Variants in PPRC1 observed in about 807,000 individuals in gnomAD.
The protein encoded by PPRC1 is PPARG related coactivator 1.
In PPRC1, 23 loss-of-function variants were observed where a neutral mutation model predicts 132.5. The ratio of observed to expected loss-of-function variants is 0.17; its 90% CI spans 0.12 to 0.25. PPRC1 has a LOEUF of 0.25. Among genes scored for constraint, PPRC1 ranks in the 10% least tolerant of loss-of-function variants. PPRC1 has a pLI of 1.00. For missense variants in PPRC1, 2,006 were observed against 2,089.1 expected (o/e 0.96, Z 0.78); for synonymous variants, 872 against 833.5 (o/e 1.05, Z -0.80).
At chr10:102,144,686 T>C (rs1178548800) in intron 7 of PPRC1, 8 of 462,436 alleles carry the variant, frequency 1.7e-5, no homozygotes, top group Non-Finnish European at 2.3e-5. Flanking sequence ...TCATTTTTCA[T>C]GTTCATGATC....
intron 2 of PPRC1, 36 bp downstream of exon 2, chr10:102,138,074 G>A (rs187621684): frequency 1.1e-5 from 17 of 1,596,838 alleles, no homozygotes; most frequent in Non-Finnish European, 1.3e-5. Flanking sequence ...CTTCAAGCAG[G>A]AGGTTTACAT....
Position 102,148,439 on chromosome 10 carries a change from T to C in PPRC1, c.4468T>C (p.Ser1490Pro). The C allele has an allele frequency of 6.2e-7, 1 of 1,611,368 alleles. No individual in the cohort carries two copies. The highest frequency in any genetic ancestry group is 8.5e-7 in the Non-Finnish European group (1 of 1,177,504). ...CTCTTCTTCGTCATCATCTTCCTCTTCGTCTTCCTCATCCTCATCATCCAG... is the reference window on the plus strand; with the variant it reads ...CTCTTCTTCGTCATCATCTTCCTCTCCGTCTTCCTCATCCTCATCATCCAG... ...SSSSSSSSSS[S>P]SSSSSSSSSR... The change falls in exon 10 of 14, where the codon TCG (serine) becomes CCG (proline). Residue 1490 changes from serine to proline, a missense_variant. Around this residue, in one of 2 missense-constraint regions of PPRC1, gnomAD observed 1,914 missense variants for 1,917.2 expected, o/e 1.00. Transcript: ENST00000278070. This position sits in a 1 kb window ranked among gnomAD's most constrained non-coding sequence, Gnocchi z 4.2.
intron 9 of PPRC1, among the ~76,000 whole-genome samples, chr10:102,147,812 C>T (rs2069330093): frequency 6.6e-6 from 1 of 152,236 alleles, no homozygotes; most frequent in African/African-American, 2.4e-5. Flanking sequence ...TTGGGTGTCA[C>T]TATGGCCTCA....
chr10:102,145,050 C>G lies in PPRC1; in HGVS notation c.3639C>G (p.Pro1213=). Residue 1213 remains proline, a synonymous_variant, in exon 8 of 14, where the codon CCC becomes CCG. Transcript: ENST00000278070. ...TTGACATTCCCCAGGAGAAGAGGCC[C>G]CTAGACCGGTTACAAGCCCCAGAAC... ...GGVDIPQEKR[P]LDRLQAPELA... 1 of 1,613,950 alleles carries G rather than the reference C, an allele frequency of 6.2e-7. No homozygotes were observed. The highest frequency in any genetic ancestry group is 8.5e-7 in the Non-Finnish European group (1 of 1,179,880).
chr10:102,125,194 G>A, the PPRC1 span, among the ~76,000 whole-genome samples: 1 of 148,642 alleles, frequency 6.7e-6, no homozygotes, highest in African/African-American at 2.5e-5. Context: ...CAGTTCAAGC[G>A]ATTCTCCTGC....
upstream of PPRC1, among the ~76,000 whole-genome samples, chr10:102,132,181 A>C (rs2068555131): frequency 6.6e-6 from 1 of 152,248 alleles, no homozygotes; most frequent in Non-Finnish European, 1.5e-5. Context: ...TAGAACTATA[A>C]TTTGCAGGCC....
the PPRC1 span, among the ~76,000 whole-genome samples, chr10:102,127,800 T>C: frequency 4.2e-4 from 63 of 151,382 alleles, no homozygotes; most frequent in African/African-American, 1.5e-3. Context: ...AATCTGCCCA[T>C]CTCGGCCTCC....
At chr10:102,120,613 G>A in the PPRC1 span, among the ~76,000 whole-genome samples, 1 of 151,966 alleles carries the variant, frequency 6.6e-6, no homozygotes, top group African/African-American at 2.4e-5. Context: ...GCCGCGCGGC[G>A]GGCGGGCGGC....
Position 102,138,955 on chromosome 10 carries a change from G to A in PPRC1, c.566G>A (p.Ser189Asn), listed in dbSNP as rs1447924543. Reference sequence around the variant, plus strand: ...ACCCCAGTTGACCCACTGGGGCCCAGTACAGGCAGCAGTAGAGGGAGTGGG... The same window carrying A: ...ACCCCAGTTGACCCACTGGGGCCCAATACAGGCAGCAGTAGAGGGAGTGGG... The part of the protein sequence containing the change: ...LITPVDPLGP[S>N]TGSSRGSGVE... The change falls in exon 4 of 14, where the codon AGT (serine) becomes AAT (asparagine). Residue 189 changes from serine (S) to asparagine (N), a missense_variant. By Grantham distance (46) the Ser-to-Asn change is conservative. Transcript: ENST00000278070. 2.2e-5 allele frequency: 36 copies of A among 1,613,952 alleles called. No individual in the cohort carries two copies. Among genetic ancestry groups the A allele is most frequent in the Non-Finnish European group, 3.1e-5 (36 of 1,179,912 alleles).
At chr10:102,147,577 C>T (rs2069318818) in intron 9 of PPRC1, among the ~76,000 whole-genome samples, 185 bp downstream of exon 9, 1 of 152,216 alleles carries the variant, frequency 6.6e-6, no homozygotes, top group Non-Finnish European at 1.5e-5. Context: ...GAGACAATTG[C>T]TTCTGTCCCC....
rs1292536917 is a variant in PPRC1 at position 102,140,517 on chromosome 10, T to G, written c.2009T>G (p.Leu670Arg). The G allele has an allele frequency of 3.1e-6, 5 of 1,614,132 alleles. No homozygotes were observed. The South Asian group carries it at 3.3e-5, about 11-fold the overall frequency. The change falls in exon 5 of 14, where the codon CTG becomes CGG. Residue 670 changes from leucine (L) to arginine (R), a missense_variant. Leu to Arg is a moderately radical substitution (Grantham distance 102). This residue lies in a region of PPRC1 where 1,914 missense variants were observed against 1,917.2 expected (regional missense o/e 1.00). Transcript: ENST00000278070. The part of the protein sequence containing the change: ...PSGPAPVDLA[L>R]VDPVPNDLTP... ...GGCCCAGCACCAGTTGATCTAGCAC[T>G]GGTTGACCCTGTTCCTAATGACCTG...
intron 8 of PPRC1, among the ~76,000 whole-genome samples, chr10:102,145,567 TAAA>T (rs544168412): frequency 1.7e-5 from 2 of 117,360 alleles, no homozygotes; most frequent in African/African-American, 3.3e-5. Context: ...CAAGACTATC[TAAA>T]AAAAAAAAAA....
In PPRC1 at chr10:102,140,586, C is replaced by A. The variant is rs148483371; in HGVS notation, c.2078C>A (p.Pro693His). The change falls in exon 5 of 14, where the codon CCC (proline) becomes CAC (histidine). Residue 693 changes from proline to histidine, a missense_variant. By Grantham distance (77) the Pro-to-His change is moderately conservative. Transcript: ENST00000278070. ...CTAGTTAAGTCCAGACCAACTGATC[C>A]CAGACGTGGTGCAGTGTCATCAGCC... ...PVLVKSRPTDPRRGAVSSALG... is the reference protein window; with the variant it reads ...PVLVKSRPTDHRRGAVSSALG... 4 of 1,613,984 alleles carry A rather than the reference C, an allele frequency of 2.5e-6. No individual in the cohort carries two copies. The highest frequency in any genetic ancestry group is 1.3e-5 in the African/African-American group (1 of 74,910).
chr10:102,145,444 G>A (rs529377287), intron 8 of PPRC1, among the ~76,000 whole-genome samples: 3 of 152,026 alleles, frequency 2.0e-5, no homozygotes, highest in Admixed American at 6.6e-5. Context: ...GGTGGTACAC[G>A]CCTGTAGTCC....
Position 102,139,194 on chromosome 10 carries a change from G to C in PPRC1, c.686G>C (p.Arg229Thr). 6.2e-7 allele frequency: 1 copy of C among 1,614,156 alleles called. No homozygotes were observed. Among genetic ancestry groups the C allele is most frequent in the Non-Finnish European group, 8.5e-7 (1 of 1,180,018 alleles). Reference protein sequence around the residue: ...SPKLPSWRPPRSRPRWGQSPP... With the variant: ...SPKLPSWRPPTSRPRWGQSPP... ...AAGCTTCCTAGCTGGAGACCCCCAA[G>C]ATCAAGACCACGCTGGGGCCAATCC... Residue 229 changes from arginine to threonine, a missense_variant, in exon 5 of 14, where the codon AGA becomes ACA. Arg to Thr is a moderately conservative substitution (Grantham distance 71, BLOSUM62 -1). Coordinates refer to ENST00000278070, the MANE Select transcript of PPRC1 (RefSeq NM_015062.5).
At chr10:102,138,325 A>T (rs1156243268) in intron 2 of PPRC1, among the ~76,000 whole-genome samples, 1 of 152,112 alleles carries the variant, frequency 6.6e-6, no homozygotes, top group African/African-American at 2.4e-5. Context: ...TCTGTTTTTC[A>T]GCTCATTTCT....
rs1318027123 is a variant in PPRC1 at position 102,141,853 on chromosome 10, G to T, written c.3345G>T (p.Leu1115Phe). 1 of 1,614,098 alleles carries T rather than the reference G, an allele frequency of 6.2e-7. No homozygotes were observed. The highest frequency in any genetic ancestry group is 1.1e-5 in the South Asian group (1 of 91,064). ...CCAGGCCCAGGGAGAAGCCCCCCTT[G>T]CCTGCTACCAAGGCTGTTCCCACAC... Reference protein sequence around the residue: ...QETRPREKPPLPATKAVPTPR... With the variant: ...QETRPREKPPFPATKAVPTPR... The change falls in exon 5 of 14, where the codon TTG becomes TTT. Residue 1115 changes from leucine (L) to phenylalanine (F), a missense_variant. Leu to Phe is a conservative substitution (Grantham distance 22). Around this residue, in one of 2 missense-constraint regions of PPRC1, gnomAD observed 1,914 missense variants for 1,917.2 expected, o/e 1.00. Transcript: ENST00000278070.
rs1432615310 is a variant in PPRC1, at chr10:102,148,389, C to G, written c.4418C>G (p.Ser1473Cys). 6.2e-7 allele frequency: 1 copy of G among 1,613,380 alleles called. No homozygotes were observed. Among genetic ancestry groups the G allele is most frequent in the East Asian group, 2.2e-5 (1 of 44,878 alleles). ...TCCTTCAGGTCCAGCTGTAGTTCCT[C>G]TGGACGTTCTCGAAGATGCTCTTCC... ...KRWRRSSCSS[S>C]GRSRRCSSSS... is the part of the protein sequence containing the mutation. The change falls in exon 10 of 14, where the codon TCT becomes TGT. Residue 1473 changes from serine to cysteine, a missense_variant. Physicochemically the swap from Ser to Cys is moderately radical, Grantham distance 112. This residue lies in a region of PPRC1 where 1,914 missense variants were observed against 1,917.2 expected (regional missense o/e 1.00). Transcript: ENST00000278070. The surrounding 1 kb of genome is among the most constrained non-coding windows in gnomAD (Gnocchi z 4.2).
At chr10:102,121,771 C>T in the PPRC1 span, among the ~76,000 whole-genome samples, 1 of 152,144 alleles carries the variant, frequency 6.6e-6, no homozygotes, top group Non-Finnish European at 1.5e-5. Context: ...CTGGCCCTGA[C>T]TGGGTAGGGG....
Sources: gnomAD v4.1 joint callset for allele counts (sites outside exome capture counted in the v4.1 genomes callset) on GRCh38, gnomAD v4.1.1 for gene constraint, gnomAD v4.1.1 regional missense constraint, Gnocchi (gnomAD v3.1) non-coding constraint, MANE v1.5 for transcripts, NCBI Gene and HGNC (gene_info 2026-07-23, HGNC 2026-07-21) for gene names.